Variants in PRSS23 observed in about 807,000 individuals in gnomAD.
PRSS23 encodes protease, serine 23.
A neutral mutation model predicts 34.7 loss-of-function variants in PRSS23; 25 were observed. The observed-to-expected ratio is 0.72, with a 90% CI of 0.53 to 1.01. The LOEUF (loss-of-function observed/expected upper bound fraction) is 1.01, where lower values mean the gene tolerates loss of function less well. PRSS23 is among the 50% of genes least tolerant of loss of function. The pLI, the probability that PRSS23 is intolerant of heterozygous loss-of-function variation, is 0.00. For synonymous variants in PRSS23, 176 were observed against 186.6 expected (o/e 0.94, Z 0.46); for missense variants, 445 against 475.6 (o/e 0.94, Z 0.60).
upstream of PRSS23, among the ~76,000 whole-genome samples, chr11:86,799,285 A>G (rs1948003387): frequency 6.6e-6 from 1 of 152,218 alleles, no homozygotes; most frequent in Non-Finnish European, 1.5e-5. Flanking sequence ...TAATGTGTTC[A>G]GGGCTTTCTC....
chr11:86,944,269 A>T (rs1949225793), intron 2 of PRSS23, among the ~76,000 whole-genome samples: 1 of 151,228 alleles, frequency 6.6e-6, no homozygotes, highest in African/African-American at 2.4e-5. Context: ...CAGTTTTTAT[A>T]AGGATACTAG....
At chr11:86,906,442 C>T (rs996831475) in intron 2 of PRSS23, among the ~76,000 whole-genome samples, 2 of 152,248 alleles carry the variant, frequency 1.3e-5, no homozygotes, top group African/African-American at 2.4e-5. Context: ...TGCGCCACCC[C>T]GGCGCACCTT....
chr11:86,844,283 G>C (rs1948470187), intron 2 of PRSS23, among the ~76,000 whole-genome samples: 1 of 152,188 alleles, frequency 6.6e-6, no homozygotes, highest in African/African-American at 2.4e-5. Flanking sequence ...GCTGGGAGAG[G>C]GATAGCATTA....
chr11:86,951,320 A>C, exon 3 of PRSS23: 1 of 1,614,134 alleles, frequency 6.2e-7, no homozygotes, highest in Non-Finnish European at 8.5e-7. Flanking sequence ...AAAAATTTTC[A>C]ACATTTCAAC....
chr11:86,863,502 T>C (rs1948629757), intron 2 of PRSS23, among the ~76,000 whole-genome samples: 1 of 152,162 alleles, frequency 6.6e-6, no homozygotes, highest in African/African-American at 2.4e-5. Context: ...GGCCAAGAAG[T>C]AACTCAGTCT....
chr11:86,941,207 G>A (rs1047881550), intron 2 of PRSS23, among the ~76,000 whole-genome samples: 4 of 152,108 alleles, frequency 2.6e-5, no homozygotes, highest in African/African-American at 9.7e-5. Flanking sequence ...ATGGTGAGAC[G>A]ACAGCAGTTT....
intron 2 of PRSS23, among the ~76,000 whole-genome samples, chr11:86,879,774 G>T (rs1205831995): frequency 9.2e-5 from 11 of 119,038 alleles, no homozygotes; most frequent in Admixed American, 7.1e-4. Context: ...AGGGAGGTGG[G>T]GGGGTCAGCC....
At position 86,864,152 on chromosome 11, in the gene PRSS23, A is replaced by G. The variant is rs563420476; in HGVS notation, c.206+40559A>G. On this transcript the variant is annotated intron_variant, in intron 2 of 2. Coordinates refer to the PRSS23 transcript ENST00000533902. ...TTACCAAGACTGAGACACTGAGAGA[A>G]TGGCCTTGAGATGTGACTGCAGCCA... 7.2e-5 allele frequency among the ~76,000 whole-genome samples: 11 copies of G among 152,322 alleles called. 1 individual carries two copies. The highest frequency in any genetic ancestry group is 3.9e-4 in the Admixed American group (6 of 15,302).
chr11:86,910,973 T>C (rs1323565219), intron 2 of PRSS23: 1 of 152,226 alleles, frequency 6.6e-6, no homozygotes, highest in Non-Finnish European at 1.5e-5. Context: ...CTCTCCTATA[T>C]CTTCTAAATG....
chr11:86,802,197 C>T (rs1175064541), intron 1 of PRSS23, among the ~76,000 whole-genome samples: 1 of 152,154 alleles, frequency 6.6e-6, no homozygotes, highest in Non-Finnish European at 1.5e-5. Context: ...ATTTGTTTCT[C>T]ATGTTCTCAA....
chr11:86,801,804 C>G (rs1479075357), intron 1 of PRSS23, among the ~76,000 whole-genome samples: 3 of 152,082 alleles, frequency 2.0e-5, no homozygotes, highest in Non-Finnish European at 4.4e-5. Context: ...AGAAAATGCC[C>G]CCAGAAGCCA....
At chr11:86,877,364 C>G (rs749935890) in intron 2 of PRSS23, among the ~76,000 whole-genome samples, 4 of 152,210 alleles carry the variant, frequency 2.6e-5, no homozygotes, top group Non-Finnish European at 5.9e-5. Flanking sequence ...TCTTCTTACA[C>G]GGTTCCCGTT....
intron 2 of PRSS23, chr11:86,857,755 G>A (rs538806881): frequency 4.3e-5 from 44 of 1,028,568 alleles, no homozygotes; most frequent in East Asian, 9.8e-5. Flanking sequence ...TCTGCTATGC[G>A]ACTGCATGTC....
At chr11:86,834,538 TTCC>T (rs1205514029) in intron 2 of PRSS23, among the ~76,000 whole-genome samples, 191 of 136,608 alleles carry the variant, frequency 1.4e-3, no homozygotes, top group African/African-American at 4.5e-3. Flanking sequence ...TTCCTTTCCT[TTCC>T]TTTCCTTTCC....
intron 2 of PRSS23, among the ~76,000 whole-genome samples, chr11:86,918,713 A>G (rs1234463760): frequency 6.6e-6 from 1 of 152,252 alleles, no homozygotes; most frequent in Non-Finnish European, 1.5e-5. Context: ...GGTGTTCCAC[A>G]GGCCAACAGC....
At chr11:86,926,603 C>T (rs946103551) in intron 2 of PRSS23, among the ~76,000 whole-genome samples, 1 of 152,094 alleles carries the variant, frequency 6.6e-6, no homozygotes, top group Admixed American at 6.6e-5. Flanking sequence ...CTGACTGGAC[C>T]TACTTCTCCA....
At chr11:86,820,324 G>A (rs1055993640) in intron 1 of PRSS23, among the ~76,000 whole-genome samples, 1 of 152,164 alleles carries the variant, frequency 6.6e-6, no homozygotes, top group Admixed American at 6.5e-5. Flanking sequence ...GGTATAATCT[G>A]TAAGCAATTA....
chr11:86,854,060 G>T lies in PRSS23; in HGVS notation c.206+30467G>T, dbSNP rs147847426. On this transcript the variant is annotated intron_variant, in intron 2 of 2. Coordinates refer to the PRSS23 transcript ENST00000533902. Reference sequence around the variant, plus strand: ...CTGTCGCCCAGGCTGGAGTGCAGTGGCACGATCTCGGCTCACTGCAAGCTC... The same window carrying T: ...CTGTCGCCCAGGCTGGAGTGCAGTGTCACGATCTCGGCTCACTGCAAGCTC... Among the ~76,000 whole-genome samples the T allele has an allele frequency of 9.4e-3, 1,425 of 152,252 alleles. 28 individuals are homozygous for T. Among genetic ancestry groups the T allele is most frequent in the African/African-American group, 0.032 (1,336 of 41,542 alleles).
intron 2 of PRSS23, among the ~76,000 whole-genome samples, chr11:86,824,116 T>C (rs898121967): frequency 8.0e-5 from 12 of 150,320 alleles, no homozygotes; most frequent in African/African-American, 2.7e-4. Context: ...TCATTCAGCC[T>C]GGGCAACATA....
Sources: allele counts gnomAD v4.1 joint callset (sites outside exome capture counted in the v4.1 genomes callset), GRCh38; gene constraint gnomAD v4.1.1; transcripts MANE v1.5; gene names NCBI Gene and HGNC (gene_info 2026-07-23, HGNC 2026-07-21).